The following FAM135B variants were observed in gnomAD, a reference collection of about 807,000 sequenced individuals.
The protein encoded by FAM135B is family with sequence similarity 135 member B, also known as protein FAM135B.
In FAM135B, 43 loss-of-function variants were observed where a neutral mutation model predicts 127.7. The ratio of observed to expected loss-of-function variants is 0.34; its 90% CI spans 0.26 to 0.43. The LOEUF (loss-of-function observed/expected upper bound fraction) is 0.43, where lower values mean the gene tolerates loss of function less well. FAM135B is among the 20% of genes least tolerant of loss of function. The probability of loss-of-function intolerance (pLI) is 1.00; values close to 1 mark genes in which losing one functional copy is unlikely to be tolerated. For missense variants in FAM135B, 1,558 were observed against 1,725.6 expected, an observed-to-expected ratio of 0.90 and a Z score of 1.72; for synonymous variants, 670 against 665.1, an observed-to-expected ratio of 1.01 and a Z score of -0.11.
intron 1 of FAM135B, among the ~76,000 whole-genome samples, chr8:138,421,399 A>G (rs1192945082): frequency 1.3e-5 from 2 of 152,176 alleles, no homozygotes; most frequent in African/African-American, 4.8e-5. Flanking sequence ...AAAATCCCGT[A>G]GTCTCTGTAT....
intron 11 of FAM135B, among the ~76,000 whole-genome samples, chr8:138,171,888 G>GTATGCAAGTGCACATGTGT (rs1189140915): frequency 6.6e-6 from 1 of 152,134 alleles, no homozygotes; most frequent in African/African-American, 2.4e-5. Flanking sequence ...TTTCCTGAGT[G>GTATGCAAGTGCACATGTGT]TATGCAAGTG....
In FAM135B at chr8:138,167,955, C is replaced by T. The variant is rs2130901099; in HGVS notation, c.1198G>A (p.Gly400Ser). 3.7e-6 allele frequency: 6 copies of T among 1,613,960 alleles called. No homozygotes were observed. Among genetic ancestry groups the T allele is most frequent in the Non-Finnish European group, 4.2e-6 (5 of 1,179,922 alleles). The change falls in exon 12 of 20, where the codon GGC (glycine) becomes AGC (serine). Residue 400 changes from glycine to serine, a missense_variant. Around this residue, in one of 5 missense-constraint regions of FAM135B, gnomAD observed 115 missense variants for 171.1 expected, o/e 0.67. Transcript: ENST00000395297. ...PLPAECLDID[G>S]DWNTLPVIFE... is the part of the protein sequence containing the mutation. Reference sequence around the variant, plus strand: ...ATCACCGGCAGGGTGTTCCAATCGCCGTCGATGTCCAGGCACTCTGCAGGC... The same window carrying T: ...ATCACCGGCAGGGTGTTCCAATCGCTGTCGATGTCCAGGCACTCTGCAGGC...
At position 138,168,109 on chromosome 8, in the gene FAM135B, C is replaced by A. The variant is rs533536627; in HGVS notation, c.1104-60G>T. The A allele has an allele frequency of 4.6e-6, 7 of 1,521,388 alleles. No individual in the cohort carries two copies. In the South Asian group the frequency reaches 7.7e-5, roughly 17 times the overall value. 94.2% of individuals were successfully genotyped at this position (1,521,388 alleles called of 1,614,324 possible). On this transcript the variant is annotated intron_variant, in intron 11 of 19. Coordinates refer to ENST00000395297, the MANE Select transcript of FAM135B (RefSeq NM_015912.4). The stretch of plus-strand genomic sequence containing the variant: ...AGAGTCAGAGGTTTCCAAACCGTTG[C>A]CCCCTCTTCCTAATCCCGGGAAAAT...
chr8:138,443,002 C>A (rs1297784261), intron 1 of FAM135B, among the ~76,000 whole-genome samples: 11 of 152,082 alleles, frequency 7.2e-5, no homozygotes, highest in African/African-American at 2.7e-4. Flanking sequence ...GGGATTACAA[C>A]CCCAGTGAGG....
chr8:138,289,963 C>T (rs765331609), intron 3 of FAM135B, among the ~76,000 whole-genome samples: 1 of 152,164 alleles, frequency 6.6e-6, no homozygotes, highest in Non-Finnish European at 1.5e-5. Context: ...GAGAACATCA[C>T]AAACAGGAAA....
chr8:138,196,218 A>C (rs1193719819), intron 8 of FAM135B, among the ~76,000 whole-genome samples: 1 of 152,228 alleles, frequency 6.6e-6, no homozygotes, highest in Non-Finnish European at 1.5e-5. Flanking sequence ...TCAGGAATCC[A>C]ACTGCTACTG....
At chr8:138,377,213 A>G (rs986902081) in intron 1 of FAM135B, among the ~76,000 whole-genome samples, 1 of 152,170 alleles carries the variant, frequency 6.6e-6, no homozygotes, top group African/African-American at 2.4e-5. Flanking sequence ...ATATATCAGC[A>G]TTTACTTTAT....
chr8:138,366,578 T>G (rs16908945), intron 2 of FAM135B, among the ~76,000 whole-genome samples: 2,305 of 152,262 alleles, frequency 0.015, 52 homozygotes, highest in African/African-American at 0.052. Flanking sequence ...AAAGCTGATC[T>G]CAGAACCATT....
chr8:138,468,800 A>G (rs1354643042), intron 1 of FAM135B, among the ~76,000 whole-genome samples: 2 of 152,180 alleles, frequency 1.3e-5, no homozygotes, highest in Non-Finnish European at 1.5e-5. Context: ...ATCCCAGCAC[A>G]TTGGGAGGCC....
intron 2 of FAM135B, among the ~76,000 whole-genome samples, chr8:138,319,425 T>A (rs567909504): frequency 6.6e-6 from 1 of 152,254 alleles, no homozygotes; most frequent in South Asian, 2.1e-4. Flanking sequence ...CTTTTAACCA[T>A]CTTAGAGCCA....
At chr8:138,270,594 T>C (rs910481067) in intron 3 of FAM135B, among the ~76,000 whole-genome samples, 3 of 152,258 alleles carry the variant, frequency 2.0e-5, no homozygotes, top group Non-Finnish European at 4.4e-5. Flanking sequence ...CTCACAGTTC[T>C]GGAGGCTGGG....
chr8:138,152,846 T>C lies in FAM135B; in HGVS notation c.1629A>G (p.Pro543=), dbSNP rs1362535777. ...DVDTSRRSPG[P]EDGQAPVLTY... ...TCAGCACTGGGGCCTGTCCATCCTCTGGACCTGGACTCCTTCTAGAAGTAT... is the reference window on the plus strand; with the variant it reads ...TCAGCACTGGGGCCTGTCCATCCTCCGGACCTGGACTCCTTCTAGAAGTAT... The change falls in exon 13 of 20, where the codon CCA becomes CCG. Residue 543 remains proline, a synonymous_variant. Coordinates refer to ENST00000395297, the MANE Select transcript of FAM135B (RefSeq NM_015912.4). The C allele has an allele frequency of 6.2e-7, 1 of 1,614,210 alleles. No homozygotes were observed. Among genetic ancestry groups the C allele is most frequent in the South Asian group, 1.1e-5 (1 of 91,080 alleles).
chr8:138,384,769 G>T (rs1034813760), intron 1 of FAM135B, among the ~76,000 whole-genome samples: 2 of 151,902 alleles, frequency 1.3e-5, no homozygotes, highest in African/African-American at 4.8e-5. Flanking sequence ...TCTGTTTAGG[G>T]GCTAGCAATT....
At chr8:138,474,816 T>A (rs1288944136) in intron 1 of FAM135B, among the ~76,000 whole-genome samples, 2 of 152,316 alleles carry the variant, frequency 1.3e-5, no homozygotes, top group Middle Eastern at 3.4e-3. Flanking sequence ...GAAGGTTCGG[T>A]CTGGACTCTT....
chr8:138,267,191 C>T (rs1512402), intron 3 of FAM135B, among the ~76,000 whole-genome samples: 34,559 of 151,964 alleles, frequency 0.23, 4,632 homozygotes, highest in Non-Finnish European at 0.3. Context: ...TAAAAAGAGG[C>T]CAGAGGTCTG....
rs1312511726 is a variant in FAM135B, at chr8:138,151,827, G to A, written c.2648C>T (p.Pro883Leu). The A allele has an allele frequency of 6.2e-7, 1 of 1,614,096 alleles. No individual in the cohort carries two copies. The highest frequency in any genetic ancestry group is 8.5e-7 in the Non-Finnish European group (1 of 1,180,034). Reference protein sequence around the residue: ...VETKGLNLKIPRVIALENPRT... With the variant: ...VETKGLNLKILRVIALENPRT... Reference sequence around the variant, plus strand: ...GGGGTTTTCAAGTGCTATGACGCGTGGTATTTTTAAATTAAGACCTTTGGT... The same window carrying A: ...GGGGTTTTCAAGTGCTATGACGCGTAGTATTTTTAAATTAAGACCTTTGGT... The change falls in exon 13 of 20, where the codon CCA becomes CTA. Residue 883 changes from proline to leucine, a missense_variant. Physicochemically the swap from Pro to Leu is moderately conservative, Grantham distance 98. This residue lies in a region of FAM135B where 923 missense variants were observed against 865.3 expected (regional missense o/e 1.07). Coordinates refer to ENST00000395297, the MANE Select transcript of FAM135B (RefSeq NM_015912.4).
In FAM135B at chr8:138,224,555, G is replaced by A. The variant is rs541442260; in HGVS notation, c.669+18387C>T. On this transcript the variant is annotated intron_variant, in intron 7 of 19. Transcript: ENST00000395297. Reference sequence around the variant, plus strand: ...ATTTTTAAAGATATATGTGACTAAAGGTTCCACATCATTGAGTAACAACTA... The same window carrying A: ...ATTTTTAAAGATATATGTGACTAAAAGTTCCACATCATTGAGTAACAACTA... Among the ~76,000 whole-genome samples the A allele has an allele frequency of 2.0e-5, 3 of 152,222 alleles. No individual in the cohort carries two copies. The East Asian group carries it at 5.8e-4, about 29-fold the overall frequency.
At chr8:138,404,911 T>C (rs930511596) in intron 1 of FAM135B, among the ~76,000 whole-genome samples, 2 of 152,194 alleles carry the variant, frequency 1.3e-5, no homozygotes, top group African/African-American at 4.8e-5. Context: ...TCTGTTAACG[T>C]TGATATTTTT....
intron 2 of FAM135B, among the ~76,000 whole-genome samples, chr8:138,349,690 T>C (rs1262426024): frequency 6.6e-6 from 1 of 152,120 alleles, no homozygotes; most frequent in African/African-American, 2.4e-5. Flanking sequence ...AATACTTATG[T>C]GTGAGGATAG....
Sources: gnomAD v4.1 joint callset for allele counts (sites outside exome capture counted in the v4.1 genomes callset) on GRCh38, gnomAD v4.1.1 for gene constraint, gnomAD v4.1.1 regional missense constraint, MANE v1.5 for transcripts, NCBI Gene and HGNC (gene_info 2026-07-23, HGNC 2026-07-21) for gene names.